Variants in PDE8B observed in about 807,000 individuals in gnomAD.
PDE8B encodes the protein phosphodiesterase 8B.
Under a neutral mutation model 101.3 loss-of-function variants are expected in PDE8B, and 26 were observed. That is an observed-to-expected ratio of 0.26 (90% CI 0.19 to 0.36). The LOEUF (loss-of-function observed/expected upper bound fraction) is 0.36, where lower values mean the gene tolerates loss of function less well. Ranked by LOEUF, PDE8B falls within the 10% of genes least tolerant of loss-of-function variation. The pLI is 1.00. For synonymous variants in PDE8B, 424 were observed against 429.3 expected (o/e 0.99, Z 0.15); for missense variants, 810 against 1,163.1 (o/e 0.70, Z 4.42).
the PDE8B span, among the ~76,000 whole-genome samples, chr5:77,177,331 C>T: frequency 1.3e-5 from 2 of 152,212 alleles, no homozygotes; most frequent in Non-Finnish European, 2.9e-5. Context: ...GTAATGAACC[C>T]TGTGTACACT....
intron 5 of PDE8B, among the ~76,000 whole-genome samples, chr5:77,334,420 C>G (rs1179670684): frequency 1.3e-5 from 2 of 152,204 alleles, no homozygotes; most frequent in African/African-American, 4.8e-5. Flanking sequence ...AGGACAGTTG[C>G]AACTGTTTTT....
At chr5:77,095,180 A>G in the PDE8B span, among the ~76,000 whole-genome samples, 1 of 151,682 alleles carries the variant, frequency 6.6e-6, no homozygotes, top group Non-Finnish European at 1.5e-5. Context: ...TTTTTTTGCT[A>G]AAGCTTTGGT....
chr5:77,104,259 C>T, the PDE8B span, among the ~76,000 whole-genome samples: 120 of 152,248 alleles, frequency 7.9e-4, no homozygotes, highest in Middle Eastern at 3.4e-3. Flanking sequence ...ACATGTTTGC[C>T]GGGAGGGAGC....
At chr5:77,280,331 T>G (rs1236120737) in intron 1 of PDE8B, among the ~76,000 whole-genome samples, 1 of 152,206 alleles carries the variant, frequency 6.6e-6, no homozygotes, top group African/African-American at 2.4e-5. Flanking sequence ...CCACTGCTGC[T>G]GTCTCCTCCC....
intron 13 of PDE8B, among the ~76,000 whole-genome samples, 161 bp from the exon 14 acceptor site, chr5:77,408,732 G>T (rs34720163): frequency 0.099 from 15,056 of 152,212 alleles, 845 homozygotes; most frequent in South Asian, 0.14. Context: ...CCCGCAGGGA[G>T]AAAAGCATGC....
the PDE8B span, among the ~76,000 whole-genome samples, chr5:77,090,514 A>G: frequency 2.6e-5 from 4 of 152,126 alleles, no homozygotes; most frequent in South Asian, 8.3e-4. Context: ...ACCTTGTGAT[A>G]CACCCGCCTC....
At chr5:77,232,034 A>G (rs753544651) in intron 1 of PDE8B, among the ~76,000 whole-genome samples, 4 of 152,230 alleles carry the variant, frequency 2.6e-5, no homozygotes, top group African/African-American at 9.6e-5. Context: ...GTGGATGTGG[A>G]TGGGCATAGT....
At chr5:77,181,067 C>T in the PDE8B span, among the ~76,000 whole-genome samples, 1 of 149,444 alleles carries the variant, frequency 6.7e-6, no homozygotes, top group African/African-American at 2.5e-5. Flanking sequence ...CCACCCCTAC[C>T]CCTACCCCTA....
intron 20 of PDE8B, among the ~76,000 whole-genome samples, chr5:77,424,704 TTCA>T (rs1283921377): frequency 1.3e-5 from 2 of 152,198 alleles, no homozygotes; most frequent in Non-Finnish European, 2.9e-5. Context: ...TTTCATCACA[TTCA>T]TCATCCAGAA....
chr5:77,306,193 A>G (rs1580923718), intron 1 of PDE8B, among the ~76,000 whole-genome samples: 1 of 152,342 alleles, frequency 6.6e-6, no homozygotes, highest in African/African-American at 2.4e-5. Flanking sequence ...TACCAGAAAG[A>G]TGAGTGCTGC....
At chr5:77,178,040 C>G in the PDE8B span, among the ~76,000 whole-genome samples, 1 of 152,160 alleles carries the variant, frequency 6.6e-6, no homozygotes, top group Admixed American at 6.5e-5. Context: ...TGCAATATCT[C>G]AGGAAAAAAT....
intron 1 of PDE8B, among the ~76,000 whole-genome samples, chr5:77,268,503 A>AC (rs201761481): frequency 4.8e-5 from 7 of 145,076 alleles, no homozygotes; most frequent in South Asian, 4.6e-4. Context: ...TTCCTGCCCC[A>AC]CCCCCCCACT....
At chr5:77,196,004 A>G in the PDE8B span, among the ~76,000 whole-genome samples, 1 of 152,178 alleles carries the variant, frequency 6.6e-6, no homozygotes, top group Non-Finnish European at 1.5e-5. Context: ...TTTGAATTGT[A>G]TTTCTCTAGT....
the PDE8B span, among the ~76,000 whole-genome samples, chr5:77,198,624 C>T: frequency 6.6e-6 from 1 of 152,140 alleles, no homozygotes; most frequent in African/African-American, 2.4e-5. Context: ...TTTCCCTTCT[C>T]TTATGAATTA....
intron 13 of PDE8B, 147 bp from the exon 14 acceptor site, chr5:77,408,746 A>G: frequency 1.4e-6 from 1 of 710,500 alleles, no homozygotes; most frequent in East Asian, 2.7e-5. Context: ...AGCATGCTTC[A>G]GGAAGAAGGG....
At position 77,419,845 on chromosome 5, in the gene PDE8B, G is replaced by C; in HGVS notation, c.2208G>C (p.Val736=). The C allele has an allele frequency of 6.2e-7, 1 of 1,614,114 alleles. No homozygotes were observed. Among genetic ancestry groups the C allele is most frequent in the Non-Finnish European group, 8.5e-7 (1 of 1,179,974 alleles). ...AGATGACAAAACACTTTGAACATGT[G>C]AATAAGTTTGTGAACAGCATCAACA... is the stretch of plus-strand genomic sequence containing the variant. ...ATEMTKHFEH[V]NKFVNSINKP... is the part of the protein sequence containing the mutation. The change falls in exon 19 of 22, where the codon GTG becomes GTC. Residue 736 remains valine (V), a synonymous_variant. Coordinates refer to ENST00000264917, the MANE Select transcript of PDE8B (RefSeq NM_003719.5).
intron 4 of PDE8B, 52 bp downstream of exon 4, chr5:77,329,109 A>C (rs749085656): frequency 7.0e-7 from 1 of 1,437,926 alleles, no homozygotes; most frequent in South Asian, 1.1e-5. Context: ...ATTCTGAAAT[A>C]TTTGTCAGAT....
the PDE8B span, among the ~76,000 whole-genome samples, chr5:77,199,307 T>C: frequency 3.3e-5 from 5 of 152,232 alleles, no homozygotes; most frequent in Admixed American, 6.5e-5. Flanking sequence ...TTCTGTAATT[T>C]AGTACTTCAA....
chr5:77,391,060 C>G (rs1340594203), intron 10 of PDE8B, among the ~76,000 whole-genome samples: 1 of 152,158 alleles, frequency 6.6e-6, no homozygotes, highest in African/African-American at 2.4e-5. Flanking sequence ...GAATGCCAAA[C>G]CACAGACCCA....
Sources: allele counts gnomAD v4.1 joint callset (sites outside exome capture counted in the v4.1 genomes callset), GRCh38; gene constraint gnomAD v4.1.1; transcripts MANE v1.5; gene names NCBI Gene and HGNC (gene_info 2026-07-23, HGNC 2026-07-21).